The following SEMA3E variants were observed in gnomAD, a reference collection of about 807,000 sequenced individuals.
SEMA3E encodes the protein semaphorin 3E, also known as semaphorin-3E.
Under a neutral mutation model 93.6 loss-of-function variants are expected in SEMA3E, and 49 were observed. The ratio of observed to expected loss-of-function variants is 0.52; its 90% CI spans 0.42 to 0.66. The LOEUF is 0.66. Among genes scored for constraint, SEMA3E ranks in the 30% least tolerant of loss-of-function variants. The pLI is 0.00. For missense variants in SEMA3E, 906 were observed against 964.8 expected (o/e 0.94, Z 0.81); for synonymous variants, 363 against 330.7 (o/e 1.10, Z -1.06).
intron 1 of SEMA3E, among the ~76,000 whole-genome samples, chr7:83,647,076 C>T (rs1794088394): frequency 6.6e-6 from 1 of 152,070 alleles, no homozygotes; most frequent in African/African-American, 2.4e-5. Flanking sequence ...ATACATCTTC[C>T]CAAGTTAAAA....
chr7:83,479,798 TG>T (rs2115935732), intron 2 of SEMA3E, among the ~76,000 whole-genome samples: 1 of 152,346 alleles, frequency 6.6e-6, no homozygotes, highest in Non-Finnish European at 1.5e-5. Flanking sequence ...TGTTCTTTGC[TG>T]TTACACTCTG....
At chr7:83,598,074 G>A (rs948982927) in intron 1 of SEMA3E, among the ~76,000 whole-genome samples, 3 of 152,186 alleles carry the variant, frequency 2.0e-5, no homozygotes, top group African/African-American at 4.8e-5. Flanking sequence ...CAATATATGA[G>A]TTAGGTTTCC....
Position 83,386,878 on chromosome 7 carries a change from T to C in SEMA3E, c.1735+105A>G, listed in dbSNP as rs900098015. 1.2e-5 allele frequency: 12 copies of C among 1,002,024 alleles called. No individual in the cohort carries two copies. The South Asian group carries it at 1.5e-4, about 13-fold the overall frequency. 62.1% of individuals were successfully genotyped at this position (1,002,024 alleles called of 1,614,324 possible). On this transcript the variant is annotated intron_variant, in intron 15 of 16. Transcript: ENST00000643230. ...AAGAATACTTATTACATTGTTCTAG[T>C]ATACATGAATCACAAAGAAAAAAAG...
At chr7:83,441,515 ATGC>A (rs1472253804) in intron 4 of SEMA3E, among the ~76,000 whole-genome samples, 2 of 152,356 alleles carry the variant, frequency 1.3e-5, no homozygotes, top group East Asian at 1.9e-4. Context: ...AGATATGGTG[ATGC>A]TGCTGCTGCA....
intron 2 of SEMA3E, among the ~76,000 whole-genome samples, chr7:83,481,272 A>C (rs182427633): frequency 5.3e-5 from 8 of 152,296 alleles, no homozygotes; most frequent in Non-Finnish European, 7.4e-5. Flanking sequence ...ATGATCAGAA[A>C]GTCTCAGATG....
intron 2 of SEMA3E, among the ~76,000 whole-genome samples, chr7:83,484,915 A>C (rs1039178128): frequency 6.6e-6 from 1 of 152,136 alleles, no homozygotes; most frequent in African/African-American, 2.4e-5. Context: ...AGTGTTGAGG[A>C]ATGTGGGGAT....
chr7:83,442,589 ATTT>A (rs60237959), intron 4 of SEMA3E, among the ~76,000 whole-genome samples: 8,844 of 152,050 alleles, frequency 0.058, 454 homozygotes, highest in African/African-American at 0.13. Flanking sequence ...CTTGCTTGTT[ATTT>A]TTCTCTTTTC....
At chr7:83,635,713 A>G (rs534183881) in intron 1 of SEMA3E, among the ~76,000 whole-genome samples, 2 of 152,122 alleles carry the variant, frequency 1.3e-5, no homozygotes, top group East Asian at 3.9e-4. Flanking sequence ...TTCTCAAATA[A>G]CCTGGGTTGA....
In SEMA3E at chr7:83,385,355, C is replaced by T. The variant is rs145707650; in HGVS notation, c.1814G>A (p.Arg605Gln). The change falls in exon 16 of 17, where the codon CGA becomes CAA. Residue 605 changes from arginine to glutamine, a missense_variant. By Grantham distance (43) the Arg-to-Gln change is conservative. Transcript: ENST00000643230. ...CCAGATAACTTTCGCTTGTAAAGAT[C>T]GTGGGGTACATTCCAGCAAAGTACT... Reference protein sequence around the residue: ...NNSTLLECTPRSLQAKVIWFV... With the variant: ...NNSTLLECTPQSLQAKVIWFV... 55 of 1,613,368 alleles carry T rather than the reference C, an allele frequency of 3.4e-5. No homozygotes were observed. Among genetic ancestry groups the T allele is most frequent in the Non-Finnish European group, 4.3e-5 (51 of 1,179,620 alleles).
At chr7:83,403,766 C>T (rs1788275893) in intron 9 of SEMA3E, among the ~76,000 whole-genome samples, 1 of 151,876 alleles carries the variant, frequency 6.6e-6, no homozygotes, top group African/African-American at 2.4e-5. Flanking sequence ...TTATAACACA[C>T]CTTGAAGCAA....
rs565295339 is a variant in SEMA3E, at chr7:83,610,151, T to C, written c.115+38277A>G. The stretch of plus-strand genomic sequence containing the variant: ...ATGTATTACAGATTGGCAGACTGGA[T>C]TTTAGTCTGAAGTTCCTAGAATGAA... On this transcript the variant is annotated intron_variant, in intron 1 of 16. Transcript: ENST00000643230. Among the ~76,000 whole-genome samples the C allele has an allele frequency of 8.5e-5, 13 of 152,178 alleles. No homozygotes were observed. In the East Asian group the frequency reaches 2.1e-3, roughly 25 times the overall value.
At chr7:83,410,066 G>C (rs1425281589) in intron 5 of SEMA3E, among the ~76,000 whole-genome samples, 1 of 151,498 alleles carries the variant, frequency 6.6e-6, no homozygotes, top group Non-Finnish European at 1.5e-5. Context: ...TACTATAATA[G>C]TCTTTTTCAT....
intron 1 of SEMA3E, among the ~76,000 whole-genome samples, chr7:83,500,056 T>A (rs1395839836): frequency 6.6e-6 from 1 of 152,224 alleles, no homozygotes; most frequent in Admixed American, 6.5e-5. Flanking sequence ...TAAGATGTTA[T>A]AGATATTCAG....
intron 1 of SEMA3E, among the ~76,000 whole-genome samples, chr7:83,625,319 T>G (rs922323061): frequency 6.6e-6 from 1 of 152,194 alleles, no homozygotes; most frequent in African/African-American, 2.4e-5. Context: ...TTGCACAGTA[T>G]GGCCATTATC....
In SEMA3E at chr7:83,466,567, T is replaced by C. The variant is rs1487949587; in HGVS notation, c.371A>G (p.His124Arg). 3 of 1,613,910 alleles carry C rather than the reference T, an allele frequency of 1.9e-6. No homozygotes were observed. The highest frequency in any genetic ancestry group is 2.5e-6 in the Non-Finnish European group (3 of 1,180,000). ...GGTCAGAAGGTGTGTCCTGTTATAG[T>C]GATGCAAAACCCGAACATAATTTGC... The part of the protein sequence containing the change: ...ECANYVRVLH[H>R]YNRTHLLTCG... Residue 124 changes from histidine (H) to arginine (R), a missense_variant, in exon 4 of 17, where the codon CAC becomes CGC. By Grantham distance (29) the His-to-Arg change is conservative (BLOSUM62 0). Transcript: ENST00000643230.
intron 4 of SEMA3E, among the ~76,000 whole-genome samples, chr7:83,433,823 T>A (rs1788938093): frequency 6.6e-6 from 1 of 152,112 alleles, no homozygotes; most frequent in Admixed American, 6.5e-5. Context: ...AGCTCAAAAG[T>A]TTTTATAGCT....
At chr7:83,570,969 A>G (rs1025722594) in intron 1 of SEMA3E, among the ~76,000 whole-genome samples, 4 of 151,834 alleles carry the variant, frequency 2.6e-5, no homozygotes, top group Admixed American at 1.3e-4. Flanking sequence ...AAATTCCTGG[A>G]AACACACAAC....
At chr7:83,472,025 G>A (rs573201993) in intron 2 of SEMA3E, among the ~76,000 whole-genome samples, 4 of 152,122 alleles carry the variant, frequency 2.6e-5, no homozygotes, top group Non-Finnish European at 2.9e-5. Context: ...CTTCATTGTC[G>A]TCTTCCTATT....
chr7:83,603,379 A>T (rs987868731), intron 1 of SEMA3E, among the ~76,000 whole-genome samples: 1 of 152,198 alleles, frequency 6.6e-6, no homozygotes, highest in African/African-American at 2.4e-5. Context: ...ACTTTGTGAC[A>T]GGTCCTTTTT....
Sources: allele counts gnomAD v4.1 joint callset (sites outside exome capture counted in the v4.1 genomes callset), GRCh38; gene constraint gnomAD v4.1.1; transcripts MANE v1.5; gene names NCBI Gene and HGNC (gene_info 2026-07-23, HGNC 2026-07-21).